Variants in TRPS1 observed in about 807,000 individuals in gnomAD.
The protein encoded by TRPS1 is zinc finger transcription factor Trps1.
TRPS1 carries 6 observed loss-of-function variants against 101.2 expected under a neutral mutation model. The observed-to-expected ratio is 0.06, with a 90% CI of 0.03 to 0.12. The LOEUF (loss-of-function observed/expected upper bound fraction) is 0.12, where lower values mean the gene tolerates loss of function less well. Among genes scored for constraint, TRPS1 ranks in the 10% least tolerant of loss-of-function variants. The probability of loss-of-function intolerance (pLI) is 1.00; values close to 1 mark genes in which losing one functional copy is unlikely to be tolerated. For missense variants in TRPS1, 1,363 were observed against 1,567.0 expected, an observed-to-expected ratio of 0.87 and a Z score of 2.20; for synonymous variants, 578 against 589.8, an observed-to-expected ratio of 0.98 and a Z score of 0.29.
chr8:115,494,063 C>T (rs998648747), intron 5 of TRPS1, among the ~76,000 whole-genome samples: 2 of 152,136 alleles, frequency 1.3e-5, no homozygotes, highest in Admixed American at 1.3e-4. Context: ...TTCTGAAGCC[C>T]TAGATTTAAC....
At chr8:115,524,472 C>T (rs1299599199) in intron 5 of TRPS1, among the ~76,000 whole-genome samples, 1 of 151,878 alleles carries the variant, frequency 6.6e-6, no homozygotes, top group Non-Finnish European at 1.5e-5. Context: ...AGGCATGCGC[C>T]ACCACGCCCA....
At chr8:115,597,667 T>C (rs991361927) in intron 4 of TRPS1, among the ~76,000 whole-genome samples, 2 of 152,228 alleles carry the variant, frequency 1.3e-5, no homozygotes, top group Non-Finnish European at 2.9e-5. Context: ...AACTTTATCA[T>C]TGTGAGTGTG....
intron 1 of TRPS1, chr8:115,637,147 C>G (rs540791728): frequency 1.6e-6 from 1 of 640,490 alleles, no homozygotes; most frequent in East Asian, 1.4e-4. Context: ...TTCCAGCAAA[C>G]AGGAGTAAGA....
At position 115,498,733 on chromosome 8, in the gene TRPS1, C is replaced by T. The variant is rs73706612; in HGVS notation, c.2701-80281G>A. The stretch of plus-strand genomic sequence containing the variant: ...AAAACACTAAAGGAACTTCATCCTG[C>T]ATATTTCTTTGAAGAAATGCCCTGG... On this transcript the variant is annotated intron_variant, in intron 5 of 6. Transcript: ENST00000395715. Among the ~76,000 whole-genome samples the T allele has an allele frequency of 4.4e-3, 666 of 152,060 alleles. 8 individuals are homozygous for T. The highest frequency in any genetic ancestry group is 0.015 in the African/African-American group (638 of 41,508).
At chr8:115,527,367 C>G (rs1355954041) in intron 5 of TRPS1, among the ~76,000 whole-genome samples, 1 of 151,984 alleles carries the variant, frequency 6.6e-6, no homozygotes, top group Non-Finnish European at 1.5e-5. Flanking sequence ...GGTGAAATAG[C>G]TTAACTCCAA....
At chr8:115,627,704 T>A (rs1818541844) in intron 1 of TRPS1, among the ~76,000 whole-genome samples, 1 of 151,876 alleles carries the variant, frequency 6.6e-6, no homozygotes, top group African/African-American at 2.4e-5. Context: ...TATTTTTATG[T>A]ACTAATGTTG....
intron 5 of TRPS1, among the ~76,000 whole-genome samples, chr8:115,543,833 T>C (rs1388631460): frequency 2.1e-5 from 3 of 142,432 alleles, no homozygotes; most frequent in Non-Finnish European, 4.5e-5. Flanking sequence ...TGATTTGTCC[T>C]GACAAAAATA....
chr8:115,481,335 T>C (rs1814746328), intron 5 of TRPS1, among the ~76,000 whole-genome samples: 1 of 152,132 alleles, frequency 6.6e-6, no homozygotes, highest in Non-Finnish European at 1.5e-5. Context: ...AAAACTTTTG[T>C]AGTGCTAACA....
chr8:115,576,610 A>C (rs969128659), intron 5 of TRPS1, among the ~76,000 whole-genome samples: 17 of 152,106 alleles, frequency 1.1e-4, no homozygotes, highest in African/African-American at 4.1e-4. Flanking sequence ...TCCAATCCAG[A>C]GCACTTTCCA....
chr8:115,591,081 G>A (rs1206274681), intron 4 of TRPS1, among the ~76,000 whole-genome samples: 1 of 152,134 alleles, frequency 6.6e-6, no homozygotes, highest in Non-Finnish European at 1.5e-5. Flanking sequence ...TTAATGACAT[G>A]AAAGAATGAG....
At chr8:115,648,686 A>ATTT (rs1402679336) in intron 1 of TRPS1, among the ~76,000 whole-genome samples, 1 of 117,366 alleles carries the variant, frequency 8.5e-6, no homozygotes, top group African/African-American at 4.5e-5. Flanking sequence ...AATGTCCCTT[A>ATTT]TTATTATTAT....
At position 115,619,830 on chromosome 8, in the gene TRPS1, T is replaced by C; in HGVS notation, c.268A>G (p.Ser90Gly). Residue 90 changes from serine to glycine, a missense_variant, in exon 3 of 7, where the codon AGC becomes GGC. Around this residue, in one of 5 missense-constraint regions of TRPS1, gnomAD observed 1,020 missense variants for 1,073.0 expected, o/e 0.95. Transcript: ENST00000395715. ...CCAGCCTTCTCACTCAGAACTGCGC[T>C]TTTCAAGTCCTTCTTACTGCTAGAA... is the stretch of plus-strand genomic sequence containing the variant. ...PSSSSKKDLK[S>G]AVLSEKAGFN... The C allele has an allele frequency of 1.9e-6, 3 of 1,614,202 alleles. No homozygotes were observed.
chr8:115,446,779 T>C (rs10505254), intron 5 of TRPS1, among the ~76,000 whole-genome samples: 35,164 of 152,080 alleles, frequency 0.23, 5,017 homozygotes, highest in Middle Eastern at 0.43. Context: ...GACTTATACA[T>C]TGGGCATTAT....
intron 5 of TRPS1, among the ~76,000 whole-genome samples, chr8:115,428,032 G>A (rs1813231854): frequency 6.6e-6 from 1 of 152,190 alleles, no homozygotes; most frequent in Non-Finnish European, 1.5e-5. Flanking sequence ...TGCTTTTGCA[G>A]AAGACTTGGC....
At chr8:115,565,488 TTTTTTTTTTG>T (rs1563607916) in intron 5 of TRPS1, among the ~76,000 whole-genome samples, 20 of 73,610 alleles carry the variant, frequency 2.7e-4, no homozygotes, top group Non-Finnish European at 4.4e-5. Context: ...AATGACAGGT[TTTTTTTTTTG>T]TTTTCTTTAT....
At chr8:115,425,606 G>A (rs781142106) in intron 5 of TRPS1, among the ~76,000 whole-genome samples, 1 of 152,188 alleles carries the variant, frequency 6.6e-6, no homozygotes, top group African/African-American at 2.4e-5. Flanking sequence ...ATGCTGCTGT[G>A]CTAAACACAT....
chr8:115,436,870 G>A (rs997178453), intron 5 of TRPS1, among the ~76,000 whole-genome samples: 13 of 152,088 alleles, frequency 8.5e-5, no homozygotes, highest in African/African-American at 2.9e-4. Flanking sequence ...TAAAAATGAA[G>A]GAGTGTAGAT....
rs67505193 is a variant in TRPS1, at chr8:115,498,415, C to CTA, written c.2701-79965_2701-79964dup. Among the ~76,000 whole-genome samples the CTA allele has an allele frequency of 9.3e-3, 364 of 39,300 alleles. 9 individuals are homozygous for CTA. Among genetic ancestry groups the CTA allele is most frequent in the Middle Eastern group, 0.025 (1 of 40 alleles). The allele number at this position is 39,300 out of a possible 152,430, so 25.8% of individuals were successfully genotyped here. On this transcript the variant is annotated intron_variant, in intron 5 of 6. Transcript: ENST00000395715. ...TCTCTCTCTCTCTCTCTCTCTCTCT[C>CTA]TATATATATATATATATATATATAT... is the stretch of plus-strand genomic sequence containing the variant.
chr8:115,513,363 C>G (rs868221402), intron 5 of TRPS1, among the ~76,000 whole-genome samples: 1 of 151,554 alleles, frequency 6.6e-6, no homozygotes. Flanking sequence ...TTTGGTTCTT[C>G]CATTATTTAC....
Sources: allele counts gnomAD v4.1 joint callset (sites outside exome capture counted in the v4.1 genomes callset), GRCh38; gene constraint gnomAD v4.1.1; regional missense constraint gnomAD v4.1.1; transcripts MANE v1.5; gene names NCBI Gene and HGNC (gene_info 2026-07-23, HGNC 2026-07-21).